UST: variants seen among roughly 807,000 people sequenced by gnomAD.
The protein encoded by UST is uronyl 2-sulfotransferase, also known as chondroitin sulfate 2-O-sulfotransferase.
UST carries 21 observed loss-of-function variants against 45.6 expected under a neutral mutation model. The observed-to-expected ratio is 0.46, with a 90% CI of 0.33 to 0.66. UST has a LOEUF of 0.66. UST is among the 30% of genes least tolerant of loss of function. UST has a pLI of 0.02. For synonymous variants in UST, 215 were observed against 200.6 expected, an observed-to-expected ratio of 1.07 and a Z score of -0.61; for missense variants, 463 against 512.4, an observed-to-expected ratio of 0.90 and a Z score of 0.93.
intron 1 of UST, among the ~76,000 whole-genome samples, chr6:148,813,955 T>C (rs1305391781): frequency 2.0e-5 from 3 of 152,246 alleles, no homozygotes; most frequent in African/African-American, 7.2e-5. Context: ...TTATATGAGA[T>C]AAAATATAAC....
At chr6:148,957,100 C>G (rs1193713370) in intron 4 of UST, among the ~76,000 whole-genome samples, 1 of 152,150 alleles carries the variant, frequency 6.6e-6, no homozygotes, top group Non-Finnish European at 1.5e-5. Context: ...TGGACTGGAA[C>G]AGCAGTCAAG....
At chr6:148,983,158 A>G (rs1781170445) in intron 5 of UST, among the ~76,000 whole-genome samples, 1 of 152,176 alleles carries the variant, frequency 6.6e-6, no homozygotes, top group South Asian at 2.1e-4. Flanking sequence ...AACTCAAAAC[A>G]CCTCATTAAG....
chr6:148,955,717 C>G (rs1400850240), intron 4 of UST: 1 of 152,246 alleles, frequency 6.6e-6, no homozygotes, highest in Non-Finnish European at 1.5e-5. Flanking sequence ...CTTCCCTGAT[C>G]CTTGCTGTTC....
intron 7 of UST, among the ~76,000 whole-genome samples, chr6:149,025,219 T>C (rs938396809): frequency 6.6e-6 from 1 of 152,254 alleles, no homozygotes; most frequent in African/African-American, 2.4e-5. Context: ...ACAGCGTAAC[T>C]GTCTTTTCTT....
chr6:148,982,189 C>G (rs1014617641), intron 5 of UST, among the ~76,000 whole-genome samples: 1 of 151,536 alleles, frequency 6.6e-6, no homozygotes, highest in African/African-American at 2.4e-5. Flanking sequence ...ACCTCTGCAT[C>G]CTGGGTTCAA....
At chr6:149,049,929 TCTCACACACACACACACA>T (rs1477670778) in intron 7 of UST, among the ~76,000 whole-genome samples, 1,965 of 129,816 alleles carry the variant, frequency 0.015, 26 homozygotes, top group Middle Eastern at 0.044. Context: ...TCTCTCTCTC[TCTCACACACACACACACA>T]CACACACACA....
chr6:148,756,434 TTCAAAATTACCA>T (rs1776100883), intron 1 of UST, among the ~76,000 whole-genome samples: 1 of 152,218 alleles, frequency 6.6e-6, no homozygotes, highest in South Asian at 2.1e-4. Context: ...TACACTGTCA[TTCAAAATTACCA>T]GGGAACCAGA....
At chr6:148,864,534 C>T (rs912146486) in intron 1 of UST, among the ~76,000 whole-genome samples, 1 of 152,224 alleles carries the variant, frequency 6.6e-6, no homozygotes, top group Non-Finnish European at 1.5e-5. Flanking sequence ...TGAGATGAAT[C>T]TGGTACCTCA....
chr6:148,861,804 G>A (rs960119348), intron 1 of UST, among the ~76,000 whole-genome samples: 5 of 152,236 alleles, frequency 3.3e-5, no homozygotes, highest in South Asian at 2.1e-4. Context: ...GTAGTTGAGC[G>A]GTATTGCGGG....
At chr6:148,783,868 A>C (rs1776687834) in intron 1 of UST, among the ~76,000 whole-genome samples, 1 of 152,158 alleles carries the variant, frequency 6.6e-6, no homozygotes, top group Admixed American at 6.5e-5. Context: ...AAAATGTTGC[A>C]CTATAGATCT....
intron 7 of UST, among the ~76,000 whole-genome samples, chr6:149,071,005 A>G (rs1438652289): frequency 2.6e-5 from 4 of 152,160 alleles, no homozygotes. Context: ...TGGCCTCGTG[A>G]TCCACCTGCC....
At chr6:148,842,491 T>C (rs1777908502) in intron 1 of UST, among the ~76,000 whole-genome samples, 1 of 152,206 alleles carries the variant, frequency 6.6e-6, no homozygotes, top group Non-Finnish European at 1.5e-5. Flanking sequence ...GGTCAGGCCA[T>C]GATCACTACA....
At chr6:148,988,725 G>A (rs968889950) in intron 5 of UST, among the ~76,000 whole-genome samples, 2 of 152,118 alleles carry the variant, frequency 1.3e-5, no homozygotes, top group Non-Finnish European at 2.9e-5. Context: ...CCTACAACAT[G>A]TAATACTGTC....
At chr6:148,922,629 C>T (rs1339117665) in intron 2 of UST, among the ~76,000 whole-genome samples, 1 of 110,452 alleles carries the variant, frequency 9.1e-6, no homozygotes, top group Non-Finnish European at 1.8e-5. Flanking sequence ...CCTAGGAGTA[C>T]CTAGGTACTT....
chr6:148,965,013 G>A (rs1341337968), intron 5 of UST, among the ~76,000 whole-genome samples: 1 of 152,086 alleles, frequency 6.6e-6, no homozygotes, highest in African/African-American at 2.4e-5. Flanking sequence ...AAAGGTTGTG[G>A]GATTTGCCAC....
At chr6:148,977,743 A>C in intron 5 of UST, among the ~76,000 whole-genome samples, 1 of 129,996 alleles carries the variant, frequency 7.7e-6, no homozygotes, top group Non-Finnish European at 1.7e-5. Context: ...CAGAGTGAGA[A>C]TCTGTCTCAA....
At chr6:149,033,479 A>G (rs1316543814) in intron 7 of UST, among the ~76,000 whole-genome samples, 1 of 152,256 alleles carries the variant, frequency 6.6e-6, no homozygotes, top group Non-Finnish European at 1.5e-5. Flanking sequence ...CAGAATTGTG[A>G]AAGAATACAG....
chr6:148,943,317 G>A (rs1415658347), intron 3 of UST, among the ~76,000 whole-genome samples: 2 of 152,152 alleles, frequency 1.3e-5, no homozygotes, highest in Non-Finnish European at 2.9e-5. Flanking sequence ...CCTGCAGAGA[G>A]CAGGACAAAA....
At chr6:148,747,807 A>G in intron 1 of UST, 130 bp downstream of exon 1, 1 of 1,204,432 alleles carries the variant, frequency 8.3e-7, no homozygotes, top group Non-Finnish European at 1.1e-6. Flanking sequence ...CCAGGTGCTA[A>G]GCCCGTGAGC....
Sources: allele counts gnomAD v4.1 joint callset (sites outside exome capture counted in the v4.1 genomes callset), GRCh38; gene constraint gnomAD v4.1.1; transcripts MANE v1.5; gene names NCBI Gene and HGNC (gene_info 2026-07-23, HGNC 2026-07-21).